The following GAPVD1 variants were observed in gnomAD, a reference collection of about 807,000 sequenced individuals.
GAPVD1 encodes GTPase-activating protein and VPS9 domain-containing protein 1.
Under a neutral mutation model 155.5 loss-of-function variants are expected in GAPVD1, and 35 were observed. The observed-to-expected ratio is 0.23, with a 90% CI of 0.17 to 0.30. The LOEUF (loss-of-function observed/expected upper bound fraction) is 0.30, where lower values mean the gene tolerates loss of function less well. Ranked by LOEUF, GAPVD1 falls within the 10% of genes least tolerant of loss-of-function variation. The probability of loss-of-function intolerance (pLI) is 1.00; values close to 1 mark genes in which losing one functional copy is unlikely to be tolerated. For missense variants in GAPVD1, 1,429 were observed against 1,775.7 expected (o/e 0.80, Z 3.51); for synonymous variants, 636 against 619.7 (o/e 1.03, Z -0.39).
At chr9:125,264,335 C>T (rs1056981975) in intron 1 of GAPVD1, among the ~76,000 whole-genome samples, 2 of 152,088 alleles carry the variant, frequency 1.3e-5, no homozygotes, top group African/African-American at 4.8e-5. Context: ...GCTGGGACTA[C>T]AGACACCAGC....
chr9:125,291,294 A>G (rs1293338352), intron 2 of GAPVD1, among the ~76,000 whole-genome samples: 2 of 151,638 alleles, frequency 1.3e-5, no homozygotes, highest in Middle Eastern at 3.4e-3. Context: ...CTAAGGGAAG[A>G]AAAAAAAGGA....
intron 6 of GAPVD1, 129 bp from the exon 7 acceptor site, chr9:125,307,284 A>C (rs1042506483): frequency 4.3e-6 from 3 of 693,182 alleles, no homozygotes; most frequent in Non-Finnish European, 6.8e-6. Context: ...AAAAAAAAAA[A>C]ATTCAACATC....
chr9:125,302,776 A>T lies in GAPVD1; in HGVS notation c.979A>T (p.Ile327Leu). The stretch of plus-strand genomic sequence containing the variant: ...AGTTGTCAATCCAGAACAATATGGA[A>T]TAATTTCCGATGCTCCTATTAATGA... The part of the protein sequence containing the change: ...PAVVNPEQYG[I>L]ISDAPINEVA... Residue 327 changes from isoleucine to leucine, a missense_variant, in exon 5 of 28, where the codon ATA becomes TTA. By Grantham distance (5) the Ile-to-Leu change is conservative (BLOSUM62 2). Coordinates refer to ENST00000297933, the MANE Select transcript of GAPVD1 (RefSeq NM_001282680.3). 1 of 1,612,062 alleles carries T rather than the reference A, an allele frequency of 6.2e-7. No individual in the cohort carries two copies. Among genetic ancestry groups the T allele is most frequent in the Non-Finnish European group, 8.5e-7 (1 of 1,179,172 alleles).
At chr9:125,263,869 G>T (rs1833391715) in intron 1 of GAPVD1, 12 of 1,374,362 alleles carry the variant, frequency 8.7e-6, no homozygotes, top group Non-Finnish European at 1.2e-5. Context: ...GGTAATCCCG[G>T]AGATACTGGA....
chr9:125,303,541 C>T (rs550158778), intron 5 of GAPVD1, among the ~76,000 whole-genome samples: 65 of 151,770 alleles, frequency 4.3e-4, no homozygotes, highest in African/African-American at 1.4e-3. Context: ...CTTTGGGAGG[C>T]CGAGGCGGGC....
intron 9 of GAPVD1, among the ~76,000 whole-genome samples, chr9:125,318,595 G>A (rs1474536922): frequency 6.6e-6 from 1 of 152,232 alleles, no homozygotes; most frequent in South Asian, 2.1e-4. Flanking sequence ...CACTCACTAT[G>A]GTGAATAGTT....
In GAPVD1 at chr9:125,366,439, A is replaced by G. The variant is rs1210459776; in HGVS notation, c.*3693A>G. The G allele has an allele frequency of 6.6e-6, 1 of 152,230 alleles. No homozygotes were observed. Among genetic ancestry groups the G allele is most frequent in the Non-Finnish European group, 1.5e-5 (1 of 68,050 alleles). The allele number at this position is 152,230 out of a possible 1,614,324, so 9.4% of individuals were successfully genotyped here. A position where few individuals can be genotyped will look rare whatever the true frequency, so the allele number is the denominator to read the frequency against. On this transcript the variant is annotated 3_prime_UTR_variant, in exon 28 of 28. Transcript: ENST00000297933. The stretch of plus-strand genomic sequence containing the variant: ...ACTCAGAATTATTACTGGATTGCAT[A>G]AAAGTGATAGAAGTGTAGTGGGGTT...
At position 125,300,046 on chromosome 9, in the gene GAPVD1, TATATATATATATATATATATA is replaced by T. The variant is rs1564330693; in HGVS notation, c.185+941_185+961del. Among the ~76,000 whole-genome samples the T allele has an allele frequency of 4.5e-4, 2 of 4,476 alleles. 1 individual carries two copies. Among genetic ancestry groups the T allele is most frequent in the Non-Finnish European group, 7.5e-4 (2 of 2,682 alleles). 2.9% of individuals were successfully genotyped at this position (4,476 alleles called of 152,430 possible). ...AAGAAAAAAAAAAAAAAAATATATA[TATATATATATATATATATATA>T]TATATATATATATATATATATATAT... is the stretch of plus-strand genomic sequence containing the variant. On this transcript the variant is annotated intron_variant, in intron 4 of 27. Transcript: ENST00000297933.
At chr9:125,343,629 C>T (rs1174557224) in intron 19 of GAPVD1, among the ~76,000 whole-genome samples, 2 of 152,156 alleles carry the variant, frequency 1.3e-5, no homozygotes, top group Non-Finnish European at 2.9e-5. Context: ...GCCACAGTTC[C>T]CTGCTGAGAG....
chr9:125,350,787 C>G lies in GAPVD1; in HGVS notation c.3484C>G (p.Gln1162Glu). The change falls in exon 23 of 28, where the codon CAA becomes GAA. Residue 1162 changes from glutamine (Q) to glutamate (E), a missense_variant. Around this residue, in one of 4 missense-constraint regions of GAPVD1, gnomAD observed 699 missense variants for 826.0 expected, o/e 0.85. Transcript: ENST00000297933. Reference protein sequence around the residue: ...INLQDKNLMAQLQETMRCVCR... With the variant: ...INLQDKNLMAELQETMRCVCR... ...TTTACAAGATAAGAATCTAATGGCT[C>G]AACTTCAAGAAACAATGCGCTGTGT... 6.2e-7 allele frequency: 1 copy of G among 1,608,110 alleles called. No homozygotes were observed.
At chr9:125,285,921 C>G (rs1837619678) in intron 2 of GAPVD1, among the ~76,000 whole-genome samples, 1 of 151,634 alleles carries the variant, frequency 6.6e-6, no homozygotes, top group Admixed American at 6.6e-5. Flanking sequence ...GATCCTCCTA[C>G]TTCAGCCTCC....
At chr9:125,278,717 C>T (rs529273010) in intron 2 of GAPVD1, among the ~76,000 whole-genome samples, 1 of 151,792 alleles carries the variant, frequency 6.6e-6, no homozygotes, top group South Asian at 2.1e-4. Context: ...TGCTTGTAGT[C>T]CCAGCTGCTT....
chr9:125,306,091 G>A (rs1368002113), intron 6 of GAPVD1, among the ~76,000 whole-genome samples: 1 of 152,052 alleles, frequency 6.6e-6, no homozygotes, highest in Non-Finnish European at 1.5e-5. Context: ...GGATATTTGA[G>A]TAAAATTTCC....
chr9:125,317,209 T>C (rs1843555450), intron 9 of GAPVD1, among the ~76,000 whole-genome samples: 2 of 151,304 alleles, frequency 1.3e-5, no homozygotes, highest in South Asian at 4.2e-4. Context: ...TATCAGCTAC[T>C]CAGGAGGCTG....
intron 2 of GAPVD1, among the ~76,000 whole-genome samples, chr9:125,291,215 G>A (rs1162245914): frequency 1.3e-5 from 2 of 152,006 alleles, no homozygotes; most frequent in African/African-American, 2.4e-5. Flanking sequence ...CTTGAGCCTG[G>A]GAGGTTGTGG....
intron 27 of GAPVD1, 91 bp from the exon 28 acceptor site, chr9:125,362,515 T>C: frequency 9.4e-7 from 1 of 1,066,362 alleles, no homozygotes; most frequent in Non-Finnish European, 1.3e-6. Flanking sequence ...GGTATGTCTT[T>C]CATAGAAGAA....
At chr9:125,280,396 C>CAAA (rs750354567) in intron 2 of GAPVD1, among the ~76,000 whole-genome samples, 21 of 57,278 alleles carry the variant, frequency 3.7e-4, no homozygotes, top group Admixed American at 7.5e-4. Flanking sequence ...AAGTCCATCT[C>CAAA]AAAAAAAAAA....
Position 125,349,413 on chromosome 9 carries a change from G to A in GAPVD1, c.3193G>A (p.Ala1065Thr). The change falls in exon 21 of 28, where the codon GCA becomes ACA. Residue 1065 changes from alanine to threonine, a missense_variant. Ala to Thr is a moderately conservative substitution (Grantham distance 58). Around this residue, in one of 4 missense-constraint regions of GAPVD1, gnomAD observed 699 missense variants for 826.0 expected, o/e 0.85. Transcript: ENST00000297933. ...STEVMGDGES[A>T]HDSPRDEALQ... ...AGAGGTTATGGGTGATGGTGAAAGT[G>A]CACATGATTCTCCCCGTGACGAAGC... 6.2e-7 allele frequency: 1 copy of A among 1,613,804 alleles called. No homozygotes were observed. The highest frequency in any genetic ancestry group is 8.5e-7 in the Non-Finnish European group (1 of 1,179,770).
intron 2 of GAPVD1, among the ~76,000 whole-genome samples, chr9:125,273,646 C>T (rs118139057): frequency 0.013 from 1,967 of 152,004 alleles, 102 homozygotes; most frequent in East Asian, 0.087. Flanking sequence ...TTGTTATGAG[C>T]GAGGTGGGTC....
Sources: allele counts gnomAD v4.1 joint callset (sites outside exome capture counted in the v4.1 genomes callset), GRCh38; gene constraint gnomAD v4.1.1; regional missense constraint gnomAD v4.1.1; transcripts MANE v1.5; gene names NCBI Gene and HGNC (gene_info 2026-07-23, HGNC 2026-07-21).